Variants in TNFSF4 observed in about 807,000 individuals in gnomAD.
The protein encoded by TNFSF4 is tumor necrosis factor ligand superfamily member 4.
A neutral mutation model predicts 7.3 loss-of-function variants in TNFSF4; 4 were observed. That is an observed-to-expected ratio of 0.55 (90% CI 0.27 to 1.25). TNFSF4 has a LOEUF of 1.25. Among genes scored for constraint, TNFSF4 ranks in the 50% most tolerant of loss-of-function variants. The probability of loss-of-function intolerance (pLI) is 0.12; values close to 1 mark genes in which losing one functional copy is unlikely to be tolerated. For synonymous variants in TNFSF4, 76 were observed against 83.7 expected (o/e 0.91, Z 0.50); for missense variants, 181 against 208.8 (o/e 0.87, Z 0.82).
At chr1:173,242,784 G>A in the TNFSF4 span, among the ~76,000 whole-genome samples, 6 of 152,074 alleles carry the variant, frequency 3.9e-5, no homozygotes. Context: ...GACTGGCAAA[G>A]GCAGGGAAGC....
At chr1:173,192,081 G>A (rs1311637429) in intron 1 of TNFSF4, among the ~76,000 whole-genome samples, 1 of 152,178 alleles carries the variant, frequency 6.6e-6, no homozygotes, top group East Asian at 1.9e-4. Flanking sequence ...GGAGGCTGAA[G>A]CACAAGAATC....
At chr1:173,361,811 T>C in the TNFSF4 span, among the ~76,000 whole-genome samples, 319 of 152,286 alleles carry the variant, frequency 2.1e-3, 3 homozygotes, top group African/African-American at 7.3e-3. Flanking sequence ...CAAAAGCACA[T>C]ATAATTTCAG....
the TNFSF4 span, among the ~76,000 whole-genome samples, chr1:173,252,460 GA>G: frequency 6.6e-6 from 1 of 151,906 alleles, no homozygotes; most frequent in Non-Finnish European, 1.5e-5. Context: ...ATTCCTTAAG[GA>G]GCCTTTCCAC....
chr1:173,382,654 T>C, the TNFSF4 span, among the ~76,000 whole-genome samples: 3 of 152,202 alleles, frequency 2.0e-5, no homozygotes, highest in Non-Finnish European at 4.4e-5. Flanking sequence ...TAACCTACAG[T>C]GTTCCTCTTC....
At chr1:173,372,400 T>C in the TNFSF4 span, among the ~76,000 whole-genome samples, 2 of 152,164 alleles carry the variant, frequency 1.3e-5, no homozygotes, top group Non-Finnish European at 2.9e-5. Flanking sequence ...CAGGCCCTAG[T>C]ACAAGATCCA....
At chr1:173,224,080 C>G in the TNFSF4 span, among the ~76,000 whole-genome samples, 1 of 152,156 alleles carries the variant, frequency 6.6e-6, no homozygotes, top group African/African-American at 2.4e-5. Context: ...GAGTAAAAGG[C>G]CCTAAGCAGC....
chr1:173,361,556 A>C, the TNFSF4 span, among the ~76,000 whole-genome samples: 2 of 152,072 alleles, frequency 1.3e-5, no homozygotes, highest in Non-Finnish European at 2.9e-5. Flanking sequence ...CCGAGATAGC[A>C]CCACTGCACT....
chr1:173,332,272 C>T, the TNFSF4 span, among the ~76,000 whole-genome samples: 5 of 152,110 alleles, frequency 3.3e-5, no homozygotes, highest in South Asian at 2.1e-4. Flanking sequence ...GCCCACAGCC[C>T]GAGGAGTGAG....
At chr1:173,362,896 C>A in the TNFSF4 span, 1 of 479,386 alleles carries the variant, frequency 2.1e-6, no homozygotes, top group South Asian at 1.7e-5. Context: ...AATGGCACAT[C>A]ACCCAAGCAT....
At chr1:173,270,664 C>T in the TNFSF4 span, among the ~76,000 whole-genome samples, 2 of 151,972 alleles carry the variant, frequency 1.3e-5, no homozygotes. Context: ...TGTGAAGGAG[C>T]AGAATTATAT....
At chr1:173,177,631 T>C in the TNFSF4 span, among the ~76,000 whole-genome samples, 1 of 152,184 alleles carries the variant, frequency 6.6e-6, no homozygotes, top group Admixed American at 6.5e-5. Flanking sequence ...TATGGGAATT[T>C]TGTTAGCAAT....
At chr1:173,442,997 A>T in the TNFSF4 span, among the ~76,000 whole-genome samples, 5 of 152,168 alleles carry the variant, frequency 3.3e-5, no homozygotes, top group South Asian at 2.1e-4. Context: ...TCAGTTTTAC[A>T]ACATTTATAT....
the TNFSF4 span, among the ~76,000 whole-genome samples, chr1:173,244,667 C>CAA: frequency 7.4e-6 from 1 of 134,810 alleles, no homozygotes; most frequent in African/African-American, 3.0e-5. Flanking sequence ...ACAAAAAAAA[C>CAA]AAAAAAAAAA....
chr1:173,367,607 A>G, the TNFSF4 span, among the ~76,000 whole-genome samples: 1 of 152,052 alleles, frequency 6.6e-6, no homozygotes, highest in East Asian at 1.9e-4. Context: ...CTTTTTGCAA[A>G]TTTTGCAAAA....
the TNFSF4 span, among the ~76,000 whole-genome samples, chr1:173,319,163 G>C: frequency 6.6e-6 from 1 of 152,098 alleles, no homozygotes; most frequent in African/African-American, 2.4e-5. Context: ...TGGGGTGAGG[G>C]GTACTCGCCA....
chr1:173,330,940 A>C, the TNFSF4 span, among the ~76,000 whole-genome samples: 1 of 147,270 alleles, frequency 6.8e-6, no homozygotes, highest in Non-Finnish European at 1.5e-5. Context: ...GCTGGAGTGC[A>C]ATGGCGCGAT....
the TNFSF4 span, among the ~76,000 whole-genome samples, chr1:173,280,362 T>C: frequency 1.3e-5 from 2 of 152,142 alleles, no homozygotes; most frequent in Admixed American, 6.6e-5. Flanking sequence ...GAGTTCAAGG[T>C]CTGTGTCCTT....
At chr1:173,237,851 C>T in the TNFSF4 span, among the ~76,000 whole-genome samples, 1 of 152,170 alleles carries the variant, frequency 6.6e-6, no homozygotes, top group Non-Finnish European at 1.5e-5. Flanking sequence ...TTTACAGATT[C>T]AATGCTATTC....
chr1:173,197,976 T>C (rs114374986), intron 1 of TNFSF4, among the ~76,000 whole-genome samples: 124 of 152,294 alleles, frequency 8.1e-4, no homozygotes, highest in Admixed American at 1.4e-3. Flanking sequence ...CTCTTTTCAG[T>C]CACGGTGCAC....
Sources: allele counts gnomAD v4.1 joint callset (sites outside exome capture counted in the v4.1 genomes callset), GRCh38; gene constraint gnomAD v4.1.1; transcripts MANE v1.5; gene names NCBI Gene and HGNC (gene_info 2026-07-23, HGNC 2026-07-21).